Variants in EFCAB11 observed in about 807,000 individuals in gnomAD.
EFCAB11 encodes EF-hand calcium-binding domain-containing protein 11.
EFCAB11 carries 14 observed loss-of-function variants against 23.0 expected under a neutral mutation model. That is an observed-to-expected ratio of 0.61 (90% CI 0.40 to 0.95). EFCAB11 has a LOEUF of 0.95. EFCAB11 is among the 40% of genes least tolerant of loss of function. The pLI, the probability that EFCAB11 is intolerant of heterozygous loss-of-function variation, is 0.00. For synonymous variants in EFCAB11, 65 were observed against 66.6 expected (o/e 0.98, Z 0.11); for missense variants, 198 against 195.8 (o/e 1.01, Z -0.07).
intron 3 of EFCAB11, among the ~76,000 whole-genome samples, chr14:89,949,228 C>T (rs573433412): frequency 6.6e-6 from 1 of 152,002 alleles, no homozygotes; most frequent in Non-Finnish European, 1.5e-5. Context: ...TACATCAAAA[C>T]ATCTCATGTA....
At chr14:89,806,017 A>G (rs963108011) in intron 5 of EFCAB11, among the ~76,000 whole-genome samples, 2 of 152,198 alleles carry the variant, frequency 1.3e-5, no homozygotes, top group Admixed American at 6.5e-5. Context: ...GCTGTATCCA[A>G]CAGAAAGTTC....
chr14:89,921,467 G>A (rs986318647), intron 5 of EFCAB11, among the ~76,000 whole-genome samples: 2 of 152,178 alleles, frequency 1.3e-5, no homozygotes, highest in Non-Finnish European at 2.9e-5. Flanking sequence ...GTAGGCCAGT[G>A]ATTTTCAAAC....
chr14:89,798,961 A>AT lies in EFCAB11; in HGVS notation c.411-1638dup, dbSNP rs369398732. ...AGTACCACGCCTGGCTAATTTTTGT[A>AT]TTTTTTTGGTAAAGATGGGGTTTCA... is the stretch of plus-strand genomic sequence containing the variant. On this transcript the variant is annotated intron_variant, in intron 5 of 5. Transcript: ENST00000316738. Among the ~76,000 whole-genome samples the AT allele has an allele frequency of 9.6e-3, 1,457 of 152,040 alleles. 25 individuals carry two copies. The highest frequency in any genetic ancestry group is 0.033 in the African/African-American group (1,353 of 41,466).
At chr14:89,870,983 T>C (rs967323580) in intron 5 of EFCAB11, among the ~76,000 whole-genome samples, 3 of 152,118 alleles carry the variant, frequency 2.0e-5, no homozygotes, top group Admixed American at 2.0e-4. Context: ...TCCCGCTGTG[T>C]TCCTTCTTGA....
intron 5 of EFCAB11, chr14:89,924,270 C>T: frequency 1.0e-6 from 1 of 998,606 alleles, no homozygotes; most frequent in Non-Finnish European, 1.2e-6. Flanking sequence ...GATTCTTACA[C>T]CAAAAATATC....
chr14:89,812,758 T>C (rs574754103), intron 5 of EFCAB11, among the ~76,000 whole-genome samples: 2 of 152,214 alleles, frequency 1.3e-5, no homozygotes, highest in Non-Finnish European at 2.9e-5. Context: ...CACCCCATGC[T>C]ATATACCAAA....
At chr14:89,928,468 A>C (rs939888749) in intron 5 of EFCAB11, among the ~76,000 whole-genome samples, 1 of 151,986 alleles carries the variant, frequency 6.6e-6, no homozygotes, top group Non-Finnish European at 1.5e-5. Flanking sequence ...TTTAATGGAC[A>C]GTATAGGTAC....
chr14:89,898,983 CTTTTA>C (rs1889260004), intron 5 of EFCAB11, among the ~76,000 whole-genome samples: 1 of 152,112 alleles, frequency 6.6e-6, no homozygotes, highest in African/African-American at 2.4e-5. Flanking sequence ...CTGCAATTTT[CTTTTA>C]TAAGTATCAT....
intron 3 of EFCAB11, among the ~76,000 whole-genome samples, chr14:89,948,864 T>C (rs1005028101): frequency 6.7e-6 from 1 of 150,258 alleles, no homozygotes; most frequent in Non-Finnish European, 1.5e-5. Context: ...GGGAGAGTTA[T>C]GGATGGTTAA....
chr14:89,826,283 G>C (rs905235179), intron 5 of EFCAB11, among the ~76,000 whole-genome samples: 4 of 152,056 alleles, frequency 2.6e-5, no homozygotes, highest in African/African-American at 9.7e-5. Context: ...TAAATAGGGA[G>C]GGTTGGGGAC....
intron 1 of EFCAB11, chr14:89,954,361 T>C (rs770182733): frequency 6.5e-6 from 10 of 1,535,982 alleles, no homozygotes; most frequent in African/African-American, 5.5e-5. Flanking sequence ...TTACCATTAA[T>C]AGACTATATA....
At chr14:89,863,900 A>G (rs1888006389) in intron 5 of EFCAB11, among the ~76,000 whole-genome samples, 1 of 152,222 alleles carries the variant, frequency 6.6e-6, no homozygotes. Context: ...CTGAAAATTC[A>G]TGTATTCTGA....
intron 5 of EFCAB11, among the ~76,000 whole-genome samples, chr14:89,818,944 T>C (rs1886419953): frequency 6.6e-6 from 1 of 152,266 alleles, no homozygotes; most frequent in Non-Finnish European, 1.5e-5. Context: ...TACAGCCACT[T>C]CGGAAAAATT....
chr14:89,897,779 T>C (rs1889213817), intron 5 of EFCAB11, among the ~76,000 whole-genome samples: 2 of 152,226 alleles, frequency 1.3e-5, no homozygotes, highest in South Asian at 2.1e-4. Flanking sequence ...TATTACACCA[T>C]AGTTTTAATT....
chr14:89,870,937 C>T (rs1045026836), intron 5 of EFCAB11, among the ~76,000 whole-genome samples: 5 of 152,020 alleles, frequency 3.3e-5, no homozygotes, highest in African/African-American at 9.7e-5. Flanking sequence ...GAGATTTTGT[C>T]TCAAAACAAA....
intron 5 of EFCAB11, among the ~76,000 whole-genome samples, chr14:89,806,723 G>A (rs570100069): frequency 1.5e-4 from 23 of 152,262 alleles, no homozygotes; most frequent in African/African-American, 5.5e-4. Flanking sequence ...CAAGCCCTGG[G>A]CAAGTTTCTC....
intron 5 of EFCAB11, among the ~76,000 whole-genome samples, chr14:89,881,184 G>C (rs552069780): frequency 6.8e-4 from 103 of 151,802 alleles, no homozygotes; most frequent in Admixed American, 1.2e-3. Flanking sequence ...ACTTGATACT[G>C]TTTTGCCATT....
intron 5 of EFCAB11, among the ~76,000 whole-genome samples, chr14:89,802,713 A>G (rs1885828634): frequency 6.6e-6 from 1 of 152,220 alleles, no homozygotes; most frequent in East Asian, 1.9e-4. Flanking sequence ...AATTTTATAA[A>G]CATTTATATT....
chr14:89,921,013 C>T (rs567635277), intron 5 of EFCAB11, among the ~76,000 whole-genome samples: 33 of 149,648 alleles, frequency 2.2e-4, no homozygotes, highest in Admixed American at 2.7e-4. Flanking sequence ...TGCAGTGAGC[C>T]GAGGTCGCGC....
Sources: allele counts gnomAD v4.1 joint callset (sites outside exome capture counted in the v4.1 genomes callset), GRCh38; gene constraint gnomAD v4.1.1; transcripts MANE v1.5; gene names NCBI Gene and HGNC (gene_info 2026-07-23, HGNC 2026-07-21).